The following CERCAM variants were observed in gnomAD, a reference collection of about 807,000 sequenced individuals.
The protein encoded by CERCAM is inactive glycosyltransferase 25 family member 3.
In CERCAM, 59 loss-of-function variants were observed where a neutral mutation model predicts 66.0. That is an observed-to-expected ratio of 0.89 (90% CI 0.73 to 1.11). CERCAM has a LOEUF of 1.11. CERCAM is among the 50% of genes most tolerant of loss of function. CERCAM has a pLI of 0.00. For missense variants in CERCAM, 840 were observed against 828.3 expected, an observed-to-expected ratio of 1.01 and a Z score of -0.17; for synonymous variants, 318 against 343.6, an observed-to-expected ratio of 0.93 and a Z score of 0.83.
intron 5 of CERCAM, among the ~76,000 whole-genome samples, chr9:128,425,668 C>T (rs1281134435): frequency 5.3e-5 from 8 of 151,796 alleles, no homozygotes; most frequent in African/African-American, 1.9e-4. Flanking sequence ...TGCACTGCCA[C>T]GCCTGGGTAA....
chr9:128,426,200 C>T (rs901518771), intron 5 of CERCAM, among the ~76,000 whole-genome samples: 9 of 150,072 alleles, frequency 6.0e-5, no homozygotes, highest in African/African-American at 2.0e-4. Flanking sequence ...GCAGGAGGAT[C>T]GCTTGAGCCC....
chr9:128,424,797 A>C (rs1588617249), intron 5 of CERCAM, among the ~76,000 whole-genome samples, 183 bp downstream of exon 5: 1 of 140,562 alleles, frequency 7.1e-6, no homozygotes, highest in African/African-American at 2.7e-5. Context: ...ATCTCGGCTC[A>C]CTGCAAACTC....
In CERCAM at chr9:128,435,542, T is replaced by C. The variant is rs1391077255; in HGVS notation, c.1536-111T>C. Reference sequence around the variant, plus strand: ...GCTCAGGGCCGCTGTGAGGACTAGATGGCGGGGAGTGAGGTGCTTTGGGCA... The same window carrying C: ...GCTCAGGGCCGCTGTGAGGACTAGACGGCGGGGAGTGAGGTGCTTTGGGCA... On this transcript the variant is annotated intron_variant, in intron 11 of 12. Coordinates refer to ENST00000372838, the MANE Select transcript of CERCAM (RefSeq NM_016174.5). 5 of 1,199,112 alleles carry C rather than the reference T, an allele frequency of 4.2e-6. No individual in the cohort carries two copies. In the Admixed American group the frequency reaches 7.1e-5, roughly 17 times the overall value. The allele number at this position is 1,199,112 out of a possible 1,614,324, so 74.3% of individuals were successfully genotyped here. A position where few individuals can be genotyped will look rare whatever the true frequency, so the allele number is the denominator to read the frequency against.
At chr9:128,431,346 C>T (rs552989178) in intron 9 of CERCAM, 43 bp downstream of exon 9, 47 of 1,610,636 alleles carry the variant, frequency 2.9e-5, no homozygotes, top group East Asian at 4.5e-5. Flanking sequence ...TCGGGGAGAA[C>T]GGGGCCAGTT....
chr9:128,432,765 T>C (rs1834004922), intron 9 of CERCAM, among the ~76,000 whole-genome samples: 1 of 152,192 alleles, frequency 6.6e-6, no homozygotes, highest in Non-Finnish European at 1.5e-5. Context: ...AAGTAACTTT[T>C]CCAAAAGTTA....
chr9:128,425,011 C>CT (rs1833808561), intron 5 of CERCAM, among the ~76,000 whole-genome samples: 1 of 129,446 alleles, frequency 7.7e-6, no homozygotes, highest in Admixed American at 7.1e-5. Flanking sequence ...GTGTGAGCCA[C>CT]CCGCCCAGCC....
intron 5 of CERCAM, among the ~76,000 whole-genome samples, chr9:128,425,009 C>T (rs903317281): frequency 3.1e-5 from 4 of 129,562 alleles, no homozygotes; most frequent in African/African-American, 1.6e-4. Context: ...AGGTGTGAGC[C>T]ACCCGCCCAG....
At position 128,434,574 on chromosome 9, in the gene CERCAM, T is replaced by C. The variant is rs747274722; in HGVS notation, c.1496T>C (p.Val499Ala). 1 of 1,610,946 alleles carries C rather than the reference T, an allele frequency of 6.2e-7. No individual in the cohort carries two copies. The highest frequency in any genetic ancestry group is 8.5e-7 in the Non-Finnish European group (1 of 1,179,922). ...ASQPLRRMLP[V>A]DEFLPIMFDQ... ...CAGCCTCTGCGCCGCATGCTGCCCG[T>C]GGACGAGTTCCTGCCCATCATGTTC... is the stretch of plus-strand genomic sequence containing the variant. Residue 499 changes from valine to alanine, a missense_variant, in exon 11 of 13, where the codon GTG becomes GCG. Val to Ala is a moderately conservative substitution (Grantham distance 64). Transcript: ENST00000372838. This position sits in a 1 kb window ranked among gnomAD's most constrained non-coding sequence, Gnocchi z 4.5.
rs1833903573 is a variant in CERCAM, at chr9:128,428,737, G to A, written c.887-20G>A. The A allele has an allele frequency of 6.2e-7, 1 of 1,613,426 alleles. No individual in the cohort carries two copies. Among genetic ancestry groups the A allele is most frequent in the Non-Finnish European group, 8.5e-7 (1 of 1,179,742 alleles). ...AGGAGTCAGTAGGGACTCGTGCTTG[G>A]GGTGTGCTTCCCTTTGCAGTGGACG... On this transcript the variant is annotated intron_variant, in intron 6 of 12. Transcript: ENST00000372838.
In CERCAM at chr9:128,422,924, C is replaced by A; in HGVS notation, c.254C>A (p.Ala85Glu). 2 of 1,597,490 alleles carry A rather than the reference C, an allele frequency of 1.3e-6. No homozygotes were observed. The highest frequency in any genetic ancestry group is 1.7e-6 in the Non-Finnish European group (2 of 1,174,900). ...NTTEMLQEWL[A>E]AVGDDYAAVV... ...ACAGAGATGCTGCAGGAGTGGCTGG[C>A]GGCTGTGGGCGATGACTATGCTGCT... The change falls in exon 2 of 13, where the codon GCG (alanine) becomes GAG (glutamate). Residue 85 changes from alanine to glutamate, a missense_variant. Ala to Glu is a moderately radical substitution (Grantham distance 107, BLOSUM62 -1). Coordinates refer to ENST00000372838, the MANE Select transcript of CERCAM (RefSeq NM_016174.5).
chr9:128,433,953 C>A, intron 9 of CERCAM, 149 bp from the exon 10 acceptor site: 1 of 955,722 alleles, frequency 1.0e-6, no homozygotes, highest in Non-Finnish European at 1.5e-6. Context: ...ATTTCCGGTC[C>A]CAGGCAGTGG....
In CERCAM at chr9:128,424,462, G is replaced by A. The variant is rs768049790; in HGVS notation, c.614G>A (p.Arg205Gln). The A allele has an allele frequency of 1.1e-5, 17 of 1,613,888 alleles. No individual in the cohort carries two copies. Among genetic ancestry groups the A allele is most frequent in the African/African-American group, 2.7e-5 (2 of 74,900 alleles). Residue 205 changes from arginine to glutamine, a missense_variant, in exon 5 of 13, where the codon CGG becomes CAG. Physicochemically the swap from Arg to Gln is conservative, Grantham distance 43. Transcript: ENST00000372838. The part of the protein sequence containing the change: ...EYFPTKNRQR[R>Q]GCFRVPMVHS... ...TTCCCCACCAAGAACCGCCAGCGCCGGGGCTGCTTCCGTGTCCCCATGGTC... is the reference window on the plus strand; with the variant it reads ...TTCCCCACCAAGAACCGCCAGCGCCAGGGCTGCTTCCGTGTCCCCATGGTC...
chr9:128,425,344 C>T (rs375716233), intron 5 of CERCAM, among the ~76,000 whole-genome samples: 82 of 150,474 alleles, frequency 5.4e-4, no homozygotes, highest in East Asian at 2.8e-3. Flanking sequence ...CGTGAGCCAC[C>T]GCGCCCAGCC....
Position 128,428,914 on chromosome 9 carries a change from C to T in CERCAM, c.964-16C>T. On this transcript the variant is annotated splice_polypyrimidine_tract_variant and intron_variant, in intron 7 of 12. Coordinates refer to ENST00000372838, the MANE Select transcript of CERCAM (RefSeq NM_016174.5). ...CGCTCCCTTGCACTTACCGCCCACC[C>T]CCCTGCCTCCTCCAGGTCTTTGTCA... The T allele has an allele frequency of 6.2e-7, 1 of 1,606,662 alleles. No individual in the cohort carries two copies. Among genetic ancestry groups the T allele is most frequent in the Non-Finnish European group, 8.5e-7 (1 of 1,176,054 alleles).
intron 8 of CERCAM, among the ~76,000 whole-genome samples, chr9:128,429,848 G>A (rs1483695486): frequency 6.6e-6 from 1 of 151,872 alleles, no homozygotes; most frequent in Non-Finnish European, 1.5e-5. Context: ...GAGTGCAGTG[G>A]CGCAATCTTG....
chr9:128,422,461 A>G (rs12002143), intron 1 of CERCAM: 42,988 of 172,840 alleles, frequency 0.25, 6,096 homozygotes, highest in African/African-American at 0.4. Context: ...CCAGGTACTC[A>G]GGAGGCTGAG....
Position 128,429,431 on chromosome 9 carries a change from T to C in CERCAM, c.1070+395T>C, listed in dbSNP as rs1833924390. ...GCCGGGCACATAGTTTCCAAAGGCTTAGGTGTCTCCCTTATTATTACTCTC... is the reference window on the plus strand; with the variant it reads ...GCCGGGCACATAGTTTCCAAAGGCTCAGGTGTCTCCCTTATTATTACTCTC... On this transcript the variant is annotated intron_variant, in intron 8 of 12. Coordinates refer to ENST00000372838, the MANE Select transcript of CERCAM (RefSeq NM_016174.5). Among the ~76,000 whole-genome samples the C allele has an allele frequency of 2.0e-5, 3 of 152,254 alleles. No individual in the cohort carries two copies. The South Asian group carries it at 6.2e-4, about 32-fold the overall frequency.
rs1833693412 is a variant in CERCAM, at chr9:128,420,917, C to G, written c.40C>G (p.Leu14Val). The change falls in exon 1 of 13, where the codon CTC (leucine) becomes GTC (valine). Residue 14 changes from leucine to valine, a missense_variant. Physicochemically the swap from Leu to Val is conservative, Grantham distance 32. Coordinates refer to ENST00000372838, the MANE Select transcript of CERCAM (RefSeq NM_016174.5). This position sits in a 1 kb window ranked among gnomAD's most constrained non-coding sequence, Gnocchi z 5.0. ...ARAAPLLQLL[L>V]LLGPWLEAAG... is the part of the protein sequence containing the mutation. ...CGCCGCGCCGCTGCTCCAGCTGCTGCTCCTGCTGGGGCCGTGGCTGGAGGC... is the reference window on the plus strand; with the variant it reads ...CGCCGCGCCGCTGCTCCAGCTGCTGGTCCTGCTGGGGCCGTGGCTGGAGGC... The G allele has an allele frequency of 7.1e-7, 1 of 1,403,372 alleles. No individual in the cohort carries two copies. The highest frequency in any genetic ancestry group is 9.3e-7 in the Non-Finnish European group (1 of 1,079,068). The allele number at this position is 1,403,372 out of a possible 1,614,324, so 86.9% of individuals were successfully genotyped here.
rs554275249 is a variant in CERCAM at position 128,428,462 on chromosome 9, C to A, written c.886+41C>A. 3.7e-5 allele frequency: 59 copies of A among 1,608,466 alleles called. 1 individual carries two copies. In the South Asian group the frequency reaches 6.3e-4, roughly 17 times the overall value. ...CTGTTCCACCCACCTGCTGCCGGGG[C>A]TCCCTGCCTCCCCACGGTGCCCCTT... On this transcript the variant is annotated intron_variant, in intron 6 of 12. Transcript: ENST00000372838.
Sources: gnomAD v4.1 joint callset for allele counts (sites outside exome capture counted in the v4.1 genomes callset) on GRCh38, gnomAD v4.1.1 for gene constraint, Gnocchi (gnomAD v3.1) non-coding constraint, MANE v1.5 for transcripts, NCBI Gene and HGNC (gene_info 2026-07-23, HGNC 2026-07-21) for gene names.